Variants in HS6ST3 observed in about 807,000 individuals in gnomAD.
HS6ST3 encodes heparan sulfate 6-O-sulfotransferase 3.
A neutral mutation model predicts 36.7 loss-of-function variants in HS6ST3; 12 were observed. The observed-to-expected ratio is 0.33, with a 90% CI of 0.21 to 0.53. HS6ST3 has a LOEUF of 0.53. Ranked by LOEUF, HS6ST3 falls within the 20% of genes least tolerant of loss-of-function variation. The pLI is 0.95. For missense variants in HS6ST3, 584 were observed against 640.9 expected, an observed-to-expected ratio of 0.91 and a Z score of 0.96; for synonymous variants, 240 against 257.5, an observed-to-expected ratio of 0.93 and a Z score of 0.65.
intron 1 of HS6ST3, among the ~76,000 whole-genome samples, chr13:96,498,586 A>G (rs1316885425): frequency 6.6e-6 from 1 of 152,098 alleles, no homozygotes; most frequent in Non-Finnish European, 1.5e-5. Context: ...ATTTCTCACT[A>G]ATGATATTTT....
At chr13:96,153,353 A>C (rs1298437954) in intron 1 of HS6ST3, among the ~76,000 whole-genome samples, 1 of 152,182 alleles carries the variant, frequency 6.6e-6, no homozygotes, top group Admixed American at 6.5e-5. Context: ...CAAATGCGAG[A>C]AATAACTTAT....
intron 1 of HS6ST3, among the ~76,000 whole-genome samples, chr13:96,817,954 A>C (rs1168487023): frequency 6.6e-6 from 1 of 152,190 alleles, no homozygotes; most frequent in Non-Finnish European, 1.5e-5. Flanking sequence ...TTGTAGCCCT[A>C]AGCTACATTT....
chr13:96,543,341 T>C (rs1397207470), intron 1 of HS6ST3, among the ~76,000 whole-genome samples: 2 of 152,136 alleles, frequency 1.3e-5, no homozygotes, highest in African/African-American at 2.4e-5. Context: ...CACTGGGTGA[T>C]CACAGGATCC....
intron 1 of HS6ST3, among the ~76,000 whole-genome samples, chr13:96,400,248 TACAC>T (rs1159403045): frequency 2.1e-5 from 3 of 141,790 alleles, no homozygotes; most frequent in Non-Finnish European, 3.1e-5. Context: ...CACACACAGA[TACAC>T]ACACATACAC....
chr13:96,798,295 G>A (rs1184578697), intron 1 of HS6ST3, among the ~76,000 whole-genome samples: 1 of 151,948 alleles, frequency 6.6e-6, no homozygotes, highest in East Asian at 1.9e-4. Flanking sequence ...ACATTACATG[G>A]GCCCAATTGA....
intron 1 of HS6ST3, among the ~76,000 whole-genome samples, chr13:96,160,651 G>A (rs1038700043): frequency 2.0e-5 from 3 of 152,192 alleles, no homozygotes; most frequent in Admixed American, 1.3e-4. Context: ...TAGAAAATGA[G>A]AATAACAACA....
At chr13:96,293,511 A>G (rs1412659221) in intron 1 of HS6ST3, among the ~76,000 whole-genome samples, 1 of 152,140 alleles carries the variant, frequency 6.6e-6, no homozygotes, top group African/African-American at 2.4e-5. Flanking sequence ...GTACACTTGT[A>G]TGTACATAAA....
chr13:96,750,239 GC>G (rs1375611057), intron 1 of HS6ST3, among the ~76,000 whole-genome samples: 1 of 152,188 alleles, frequency 6.6e-6, no homozygotes, highest in African/African-American at 2.4e-5. Context: ...TAGTTACATG[GC>G]CCAGGAAAAA....
chr13:96,472,203 A>G (rs780283869), intron 1 of HS6ST3, among the ~76,000 whole-genome samples: 12 of 152,238 alleles, frequency 7.9e-5, no homozygotes, highest in Non-Finnish European at 1.8e-4. Flanking sequence ...ACAAGAACCC[A>G]ATCTACTAGA....
intron 1 of HS6ST3, among the ~76,000 whole-genome samples, chr13:96,370,091 A>G (rs1015332747): frequency 6.6e-6 from 1 of 152,148 alleles, no homozygotes; most frequent in African/African-American, 2.4e-5. Flanking sequence ...CCATCTGGCA[A>G]TGATAAAAAC....
chr13:96,530,570 A>G (rs1469649271), intron 1 of HS6ST3, among the ~76,000 whole-genome samples: 2 of 150,528 alleles, frequency 1.3e-5, no homozygotes, highest in East Asian at 1.9e-4. Flanking sequence ...TAGATCAATC[A>G]TAGCTCACTA....
Position 96,803,549 on chromosome 13 carries a change from A to G in HS6ST3, c.708-28941A>G, listed in dbSNP as rs569323791. ...TGACTTTGCACAAATTGATGAGAAA[A>G]TATGTTTTGTTTTGTTTTTCTCTTT... On this transcript the variant is annotated intron_variant, in intron 1 of 1. Transcript: ENST00000376705. Among the ~76,000 whole-genome samples the G allele has an allele frequency of 4.6e-5, 7 of 152,294 alleles. No homozygotes were observed. In the East Asian group the frequency reaches 1.4e-3, roughly 29 times the overall value.
intron 1 of HS6ST3, among the ~76,000 whole-genome samples, chr13:96,229,471 C>T (rs1229367032): frequency 6.6e-6 from 1 of 152,178 alleles, no homozygotes; most frequent in Non-Finnish European, 1.5e-5. Context: ...CTCTTCCTGG[C>T]TCACAGATAG....
chr13:96,281,234 G>A (rs1354450676), intron 1 of HS6ST3, among the ~76,000 whole-genome samples: 1 of 152,082 alleles, frequency 6.6e-6, no homozygotes, highest in East Asian at 1.9e-4. Flanking sequence ...TTGATCTCTT[G>A]ACCTCGTGAT....
intron 1 of HS6ST3, among the ~76,000 whole-genome samples, chr13:96,529,740 T>C (rs1158517586): frequency 1.3e-5 from 2 of 152,222 alleles, no homozygotes; most frequent in African/African-American, 2.4e-5. Context: ...ATATTAGGGC[T>C]AAATCACATT....
intron 1 of HS6ST3, among the ~76,000 whole-genome samples, chr13:96,443,941 C>G (rs978415199): frequency 6.6e-6 from 1 of 152,200 alleles, no homozygotes; most frequent in African/African-American, 2.4e-5. Flanking sequence ...ACAGATTGCA[C>G]TTACATAGTA....
At chr13:96,329,039 A>G (rs1225004750) in intron 1 of HS6ST3, among the ~76,000 whole-genome samples, 5 of 146,416 alleles carry the variant, frequency 3.4e-5, no homozygotes, top group Non-Finnish European at 7.5e-5. Context: ...CCCCTTTATC[A>G]TTTTTTATTG....
rs74830955 is a variant in HS6ST3, at chr13:96,837,944, A to C, written c.*4746A>C. On this transcript the variant is annotated 3_prime_UTR_variant, in exon 2 of 2. Coordinates refer to ENST00000376705, the MANE Select transcript of HS6ST3 (RefSeq NM_153456.4). Reference sequence around the variant, plus strand: ...TACTGCTTTCATTCTTAAAGGTTTCATTGGCTGTTAAATGAGTCCCTTTGC... The same window carrying C: ...TACTGCTTTCATTCTTAAAGGTTTCCTTGGCTGTTAAATGAGTCCCTTTGC... 612 of 152,134 alleles carry C rather than the reference A, an allele frequency of 4.0e-3. 3 individuals are homozygous for C. The highest frequency in any genetic ancestry group is 0.014 in the African/African-American group (587 of 41,480). The allele number at this position is 152,134 out of a possible 1,614,324, so 9.4% of individuals were successfully genotyped here. A position where few individuals can be genotyped will look rare whatever the true frequency, so the allele number is the denominator to read the frequency against.
rs946254025 is a variant in HS6ST3, at chr13:96,753,825, A to AT, written c.708-78653dup. ...TTAGGGATTACATTGTACTGTTAGAATTTTTTTTTTTTAAGACTGAGTCTC... is the reference window on the plus strand; with the variant it reads ...TTAGGGATTACATTGTACTGTTAGAATTTTTTTTTTTTTAAGACTGAGTCTC... On this transcript the variant is annotated intron_variant, in intron 1 of 1. Transcript: ENST00000376705. Among the ~76,000 whole-genome samples the AT allele has an allele frequency of 3.7e-4, 55 of 147,320 alleles. 1 individual carries two copies. Among genetic ancestry groups the AT allele is most frequent in the Non-Finnish European group, 5.3e-4 (35 of 66,306 alleles).
Sources: allele counts gnomAD v4.1 joint callset (sites outside exome capture counted in the v4.1 genomes callset), GRCh38; gene constraint gnomAD v4.1.1; transcripts MANE v1.5; gene names NCBI Gene and HGNC (gene_info 2026-07-23, HGNC 2026-07-21).